NUP205: variants seen among roughly 807,000 people sequenced by gnomAD.
NUP205 encodes nucleoporin 205.
Under a neutral mutation model 253.8 loss-of-function variants are expected in NUP205, and 76 were observed. The observed-to-expected ratio is 0.30, with a 90% CI of 0.25 to 0.36. NUP205 has a LOEUF of 0.36. Among genes scored for constraint, NUP205 ranks in the 10% least tolerant of loss-of-function variants. The pLI is 1.00. For synonymous variants in NUP205, 832 were observed against 850.1 expected (o/e 0.98, Z 0.37); for missense variants, 2,162 against 2,425.5 (o/e 0.89, Z 2.28).
rs529774680 is a variant in NUP205 at position 135,589,064 on chromosome 7, T to C, written c.1473+1072T>C. 8.8e-4 allele frequency among the ~76,000 whole-genome samples: 132 copies of C among 150,572 alleles called. 4 individuals are homozygous for C. The highest frequency in any genetic ancestry group is 3.1e-4 in the Non-Finnish European group (21 of 67,572). On this transcript the variant is annotated intron_variant, in intron 10 of 42. Coordinates refer to ENST00000285968, the MANE Select transcript of NUP205 (RefSeq NM_015135.3). ...ATCATGAGCCTGTAGTCCTAGCTGC[T>C]CAGGCTGAGGCAAGAGGACACGTTG...
At chr7:135,577,595 G>A (rs780603332) in intron 5 of NUP205, among the ~76,000 whole-genome samples, 9 of 152,080 alleles carry the variant, frequency 5.9e-5, no homozygotes, top group Non-Finnish European at 1.2e-4. Flanking sequence ...CAAGAAATTG[G>A]TCATCCCAAT....
rs76315574 is a variant in NUP205, at chr7:135,573,930, C to A, written c.343+105C>A. 16,767 of 910,812 alleles carry A rather than the reference C, an allele frequency of 0.018. 338 individuals are homozygous for A. The highest frequency in any genetic ancestry group is 0.068 in the South Asian group (3,719 of 54,748). 56.4% of individuals were successfully genotyped at this position (910,812 alleles called of 1,614,324 possible). On this transcript the variant is annotated intron_variant, in intron 3 of 42. Transcript: ENST00000285968. ...TTAGATTCTATCATAGTTTCTAAGG[C>A]TGCAGTTTGGTAAAACCATATTCAA...
chr7:135,599,635 T>G (rs868432869), intron 15 of NUP205, among the ~76,000 whole-genome samples: 40 of 152,330 alleles, frequency 2.6e-4, no homozygotes, highest in African/African-American at 9.4e-4. Context: ...ATCTGAGTGT[T>G]TAGAGCATTA....
chr7:135,560,958 C>T (rs1433527186), intron 1 of NUP205, among the ~76,000 whole-genome samples: 1 of 152,212 alleles, frequency 6.6e-6, no homozygotes, highest in East Asian at 1.9e-4. Flanking sequence ...GTTGAGATTG[C>T]ATTCTATGTT....
At chr7:135,559,686 C>CTTTTTTTTTTT (rs548329072) in intron 1 of NUP205, among the ~76,000 whole-genome samples, 2 of 138,010 alleles carry the variant, frequency 1.4e-5, no homozygotes, top group Admixed American at 7.1e-5. Context: ...ATTTATTTTC[C>CTTTTTTTTTTT]TTTTTTTTTT....
chr7:135,620,766 C>A (rs1171122798), intron 30 of NUP205, among the ~76,000 whole-genome samples: 1 of 152,096 alleles, frequency 6.6e-6, no homozygotes, highest in Non-Finnish European at 1.5e-5. Flanking sequence ...CCAGTATAAA[C>A]TCATCAATAG....
At position 135,577,020 on chromosome 7, in the gene NUP205, A is replaced by C; in HGVS notation, c.540A>C (p.Gln180His). 6.2e-7 allele frequency: 1 copy of C among 1,614,142 alleles called. No individual in the cohort carries two copies. Among genetic ancestry groups the C allele is most frequent in the Non-Finnish European group, 8.5e-7 (1 of 1,179,956 alleles). Residue 180 changes from glutamine (Q) to histidine (H), a missense_variant, in exon 5 of 43, where the codon CAA becomes CAC. Coordinates refer to ENST00000285968, the MANE Select transcript of NUP205 (RefSeq NM_015135.3). ...GCTTTACAGATGAGCTGATGGAGCA[A>C]GGATTGACTTATAAAGTTCTTACGC... ...TTRFTDELME[Q>H]GLTYKVLTLV... is the part of the protein sequence containing the mutation.
rs59973248 is a variant in NUP205, at chr7:135,608,025, CTTT to C, written c.3195+671_3195+673del. Among the ~76,000 whole-genome samples, 45 of 120,166 alleles carry C rather than the reference CTTT, an allele frequency of 3.7e-4. 1 individual carries two copies. In the South Asian group the frequency reaches 5.6e-3, roughly 15 times the overall value. The allele number at this position is 120,166 out of a possible 152,430, so 78.8% of individuals were successfully genotyped here. A position where few individuals can be genotyped will look rare whatever the true frequency, so the allele number is the denominator to read the frequency against. ...CCACATTGCCCAGGCTGGGAAAGCA[CTTT>C]TTTTTTTTTTTTTTTTAATATGGAG... On this transcript the variant is annotated intron_variant, in intron 22 of 42. Transcript: ENST00000285968.
chr7:135,641,464 C>T (rs185600165), intron 38 of NUP205, among the ~76,000 whole-genome samples: 131 of 152,278 alleles, frequency 8.6e-4, no homozygotes, highest in Non-Finnish European at 1.5e-3. Flanking sequence ...GTCTCTTCCC[C>T]TCTGTATAAA....
intron 28 of NUP205, among the ~76,000 whole-genome samples, chr7:135,619,089 T>C (rs1794419821): frequency 6.6e-6 from 1 of 152,160 alleles, no homozygotes; most frequent in African/African-American, 2.4e-5. Flanking sequence ...ATGGGCTGTG[T>C]GCAGTGATTC....
chr7:135,643,435 A>G, intron 39 of NUP205, 77 bp downstream of exon 39: 1 of 1,130,838 alleles, frequency 8.8e-7, no homozygotes, highest in Non-Finnish European at 1.3e-6. Flanking sequence ...GACTGAGTAA[A>G]GACAACGTAT....
chr7:135,591,308 T>A, intron 10 of NUP205, 142 bp from the exon 11 acceptor site: 1 of 630,006 alleles, frequency 1.6e-6, no homozygotes, highest in East Asian at 3.1e-5. Flanking sequence ...TTTTCATAAA[T>A]AGAATATCAG....
At chr7:135,623,826 C>A (rs150360980) in intron 31 of NUP205, among the ~76,000 whole-genome samples, 12,021 of 152,164 alleles carry the variant, frequency 0.079, 620 homozygotes, top group South Asian at 0.17. Flanking sequence ...TCTGTCGCCC[C>A]GGCTAGAGTG....
chr7:135,636,164 G>C (rs1381994665), intron 36 of NUP205, among the ~76,000 whole-genome samples: 1 of 152,092 alleles, frequency 6.6e-6, no homozygotes, highest in African/African-American at 2.4e-5. Context: ...TTGTCAATTA[G>C]ATATTTTATC....
intron 1 of NUP205, among the ~76,000 whole-genome samples, chr7:135,570,270 G>A (rs1805919998): frequency 1.3e-5 from 2 of 151,832 alleles, no homozygotes; most frequent in African/African-American, 4.8e-5. Flanking sequence ...CTAGAGTGCA[G>A]TGGCACGATC....
intron 35 of NUP205, among the ~76,000 whole-genome samples, chr7:135,632,581 T>C (rs752744649): frequency 2.0e-5 from 3 of 151,978 alleles, no homozygotes; most frequent in Non-Finnish European, 2.9e-5. Context: ...ACGTTGAGAG[T>C]TGGCCAGGGC....
chr7:135,594,984 G>T (rs766540261), intron 13 of NUP205, among the ~76,000 whole-genome samples: 25 of 152,048 alleles, frequency 1.6e-4, no homozygotes, highest in Middle Eastern at 6.8e-3. Context: ...CTTATTTTTC[G>T]ATGTCTATTA....
intron 36 of NUP205, among the ~76,000 whole-genome samples, chr7:135,636,945 G>A (rs1024593566): frequency 2.6e-5 from 4 of 152,200 alleles, no homozygotes; most frequent in African/African-American, 9.7e-5. Flanking sequence ...GGCAGAGGTT[G>A]CAGTGAGCTG....
intron 13 of NUP205, among the ~76,000 whole-genome samples, chr7:135,596,928 G>A (rs1231795512): frequency 6.8e-6 from 1 of 148,132 alleles, no homozygotes; most frequent in Non-Finnish European, 1.5e-5. Flanking sequence ...CTGTACTCCA[G>A]CTTGGCCGAC....
Sources: gnomAD v4.1 joint callset for allele counts (sites outside exome capture counted in the v4.1 genomes callset) on GRCh38, gnomAD v4.1.1 for gene constraint, MANE v1.5 for transcripts, NCBI Gene and HGNC (gene_info 2026-07-23, HGNC 2026-07-21) for gene names.